The following BBS9 variants were observed in gnomAD, a reference collection of about 807,000 sequenced individuals.
The protein encoded by BBS9 is protein PTHB1.
BBS9 carries 89 observed loss-of-function variants against 117.7 expected under a neutral mutation model. The observed-to-expected ratio is 0.76, with a 90% confidence interval of 0.64 to 0.90. The LOEUF (loss-of-function observed/expected upper bound fraction) is 0.90. BBS9 is among the 40% of genes least tolerant of loss of function. BBS9 has a pLI of 0.00. For synonymous variants in BBS9, 379 were observed against 370.9 expected (o/e 1.02, Z -0.25); for missense variants, 982 against 1,042.2 (o/e 0.94, Z 0.80).
At chr7:33,442,671 G>A (rs1008420831) in intron 19 of BBS9, among the ~76,000 whole-genome samples, 1 of 152,222 alleles carries the variant, frequency 6.6e-6, no homozygotes, top group Non-Finnish European at 1.5e-5. Flanking sequence ...CAAATCAACA[G>A]TGATGATGGG....
chr7:33,552,055 ATAAAT>A (rs533430327), intron 21 of BBS9, among the ~76,000 whole-genome samples: 68 of 152,334 alleles, frequency 4.5e-4, no homozygotes, highest in African/African-American at 1.6e-3. Context: ...TTCCTAAAAA[ATAAAT>A]TAGATAACAT....
intron 19 of BBS9, among the ~76,000 whole-genome samples, chr7:33,465,686 T>C (rs1362228): frequency 0.77 from 116,781 of 151,998 alleles, 45,492 homozygotes; most frequent in African/African-American, 0.9. Flanking sequence ...CTGTAAAGTG[T>C]GGTGACAATA....
Position 33,527,675 on chromosome 7 carries a change from A to G in BBS9, c.2299-6279A>G, listed in dbSNP as rs529889406. On this transcript the variant is annotated intron_variant, in intron 20 of 22. Transcript: ENST00000242067. ...CACTCCCTAGTGAGATGAACCAGGT[A>G]CCTCAGATGGAAATGCAGAAATCAC... Among the ~76,000 whole-genome samples the G allele has an allele frequency of 3.4e-3, 514 of 152,256 alleles. 3 individuals are homozygous for G. Among genetic ancestry groups the G allele is most frequent in the African/African-American group, 0.012 (490 of 41,566 alleles).
chr7:33,488,774 A>C (rs1024101422), intron 19 of BBS9, among the ~76,000 whole-genome samples: 1 of 152,152 alleles, frequency 6.6e-6, no homozygotes, highest in African/African-American at 2.4e-5. Context: ...TCTAGCCCTG[A>C]AATTCTGATT....
chr7:33,149,033 A>G (rs1187169820), intron 2 of BBS9, among the ~76,000 whole-genome samples: 1 of 152,076 alleles, frequency 6.6e-6, no homozygotes, highest in East Asian at 1.9e-4. Flanking sequence ...ATGAATGGGG[A>G]GTGAGTGGGA....
chr7:33,290,119 T>A (rs17170169), intron 9 of BBS9, among the ~76,000 whole-genome samples: 17,169 of 152,100 alleles, frequency 0.11, 1,143 homozygotes, highest in African/African-American at 0.18. Context: ...TAGGATTGAA[T>A]GTCGCAATAA....
At chr7:33,360,153 C>T (rs925693656) in intron 16 of BBS9, among the ~76,000 whole-genome samples, 3 of 151,952 alleles carry the variant, frequency 2.0e-5, no homozygotes, top group Non-Finnish European at 2.9e-5. Flanking sequence ...TAGATATTTA[C>T]GTTGTTTTTA....
intron 19 of BBS9, among the ~76,000 whole-genome samples, chr7:33,415,775 A>C (rs921853523): frequency 1.3e-5 from 2 of 152,184 alleles, no homozygotes; most frequent in Non-Finnish European, 2.9e-5. Flanking sequence ...AGCCAGCTTC[A>C]TCTTCTTGAT....
intron 5 of BBS9, among the ~76,000 whole-genome samples, chr7:33,199,628 C>T (rs1373426010): frequency 6.6e-6 from 1 of 151,382 alleles, no homozygotes; most frequent in Non-Finnish European, 1.5e-5. Context: ...CTCCTTTCCT[C>T]CTCCTCTCAC....
intron 4 of BBS9, among the ~76,000 whole-genome samples, chr7:33,159,267 A>G (rs897109251): frequency 6.6e-6 from 1 of 152,198 alleles, no homozygotes; most frequent in African/African-American, 2.4e-5. Flanking sequence ...TCACCATTGT[A>G]AATGTGCTTA....
At chr7:33,437,079 A>G (rs1401935848) in intron 19 of BBS9, among the ~76,000 whole-genome samples, 1 of 152,246 alleles carries the variant, frequency 6.6e-6, no homozygotes, top group Non-Finnish European at 1.5e-5. Context: ...TTAAGTGTCA[A>G]TTGGACCAGT....
intron 19 of BBS9, among the ~76,000 whole-genome samples, chr7:33,403,757 C>A (rs1297589491): frequency 1.3e-5 from 2 of 151,944 alleles, no homozygotes; most frequent in African/African-American, 4.8e-5. Flanking sequence ...GCTATTGTGA[C>A]TAGTGCCGCA....
rs145187753 is a variant in BBS9 at position 33,296,525 on chromosome 7, A to G, written c.1016+22569A>G. Reference sequence around the variant, plus strand: ...CACCTGCTTTATTGAGATTGTTGTAACCTAAAAGAGCAATATGGAACTCCT... The same window carrying G: ...CACCTGCTTTATTGAGATTGTTGTAGCCTAAAAGAGCAATATGGAACTCCT... On this transcript the variant is annotated intron_variant, in intron 9 of 22. Coordinates refer to ENST00000242067, the MANE Select transcript of BBS9 (RefSeq NM_198428.3). Among the ~76,000 whole-genome samples the G allele has an allele frequency of 4.6e-5, 7 of 152,268 alleles. No homozygotes were observed. The East Asian group carries it at 1.4e-3, about 29-fold the overall frequency.
At chr7:33,475,413 T>C (rs918697510) in intron 19 of BBS9, among the ~76,000 whole-genome samples, 9 of 152,170 alleles carry the variant, frequency 5.9e-5, no homozygotes, top group Admixed American at 4.6e-4. Flanking sequence ...TTCAGCATAT[T>C]TGGGATAGAG....
chr7:33,429,798 G>A (rs762604799), intron 19 of BBS9, among the ~76,000 whole-genome samples: 3 of 151,804 alleles, frequency 2.0e-5, no homozygotes, highest in Admixed American at 6.6e-5. Flanking sequence ...TAGTTTTGTC[G>A]CAGTGGTTTC....
downstream of BBS9, among the ~76,000 whole-genome samples, chr7:33,606,916 T>C (rs1864605029): frequency 6.6e-6 from 1 of 152,132 alleles, no homozygotes. Context: ...GTCTCTCTTA[T>C]ATGCCCCTTA....
At chr7:33,545,228 C>T (rs1162864747) in intron 21 of BBS9, among the ~76,000 whole-genome samples, 1 of 152,152 alleles carries the variant, frequency 6.6e-6, no homozygotes, top group Non-Finnish European at 1.5e-5. Flanking sequence ...TTGTCCCTAG[C>T]CTTTCTTGTT....
At chr7:33,253,598 C>T (rs573085491) in intron 5 of BBS9, among the ~76,000 whole-genome samples, 134 of 152,198 alleles carry the variant, frequency 8.8e-4, no homozygotes, top group Non-Finnish European at 1.3e-3. Context: ...GGCGAGGGAG[C>T]GAGACTCCAT....
intron 5 of BBS9, among the ~76,000 whole-genome samples, chr7:33,233,890 G>A (rs1008291264): frequency 1.1e-4 from 16 of 152,064 alleles, no homozygotes; most frequent in South Asian, 6.2e-4. Flanking sequence ...TTCACTTTCC[G>A]TGGTTTGAGT....
Sources: allele counts gnomAD v4.1 joint callset (sites outside exome capture counted in the v4.1 genomes callset), GRCh38; gene constraint gnomAD v4.1.1; transcripts MANE v1.5; gene names NCBI Gene and HGNC (gene_info 2026-07-23, HGNC 2026-07-21).